PRKCE: variants seen among roughly 807,000 people sequenced by gnomAD.
PRKCE encodes protein kinase C epsilon.
Under a neutral mutation model 85.4 loss-of-function variants are expected in PRKCE, and 16 were observed. The ratio of observed to expected loss-of-function variants is 0.19; its 90% CI spans 0.13 to 0.28. PRKCE has a LOEUF of 0.28. Among genes scored for constraint, PRKCE ranks in the 10% least tolerant of loss-of-function variants. The pLI, the probability that PRKCE is intolerant of heterozygous loss-of-function variation, is 1.00. For missense variants in PRKCE, 573 were observed against 975.2 expected, an observed-to-expected ratio of 0.59 and a Z score of 5.49; for synonymous variants, 388 against 371.5, an observed-to-expected ratio of 1.04 and a Z score of -0.51.
intron 11 of PRKCE, among the ~76,000 whole-genome samples, chr2:46,132,038 A>C (rs1674513588): frequency 6.6e-6 from 1 of 152,192 alleles, no homozygotes. Context: ...AAAAATAAAC[A>C]AATATAAGTA....
chr2:46,013,862 A>G (rs1225943635), intron 10 of PRKCE, among the ~76,000 whole-genome samples: 4 of 152,182 alleles, frequency 2.6e-5, no homozygotes, highest in Admixed American at 1.3e-4. Flanking sequence ...TGCACACTAC[A>G]TACAAGTTGC....
chr2:46,146,196 A>G (rs182891993), intron 12 of PRKCE, among the ~76,000 whole-genome samples: 2 of 152,378 alleles, frequency 1.3e-5, no homozygotes, highest in East Asian at 3.9e-4. Context: ...GTGTGATGTG[A>G]TTCAGATTTA....
At chr2:45,658,162 G>A (rs761971409) in intron 1 of PRKCE, among the ~76,000 whole-genome samples, 36 of 152,228 alleles carry the variant, frequency 2.4e-4, no homozygotes, top group East Asian at 5.8e-4. Context: ...CTTCGTGTGC[G>A]CCTATACCCT....
intron 1 of PRKCE, among the ~76,000 whole-genome samples, chr2:45,816,615 T>C (rs1266017970): frequency 6.6e-6 from 1 of 152,220 alleles, no homozygotes; most frequent in Non-Finnish European, 1.5e-5. Flanking sequence ...TGCCATATTT[T>C]TATGATCATT....
At chr2:45,928,913 C>A (rs904771018) in intron 2 of PRKCE, among the ~76,000 whole-genome samples, 2 of 152,124 alleles carry the variant, frequency 1.3e-5, no homozygotes, top group Non-Finnish European at 2.9e-5. Context: ...AGTCTGGGGG[C>A]CCCTCTGTCA....
intron 1 of PRKCE, among the ~76,000 whole-genome samples, chr2:45,813,950 A>C: frequency 6.6e-6 from 1 of 152,226 alleles, no homozygotes; most frequent in East Asian, 1.9e-4. Flanking sequence ...CAGTAAATTC[A>C]TAAGTGAGTA....
intron 1 of PRKCE, among the ~76,000 whole-genome samples, chr2:45,817,935 CCAGCTTCAGT>C (rs1347922852): frequency 6.6e-6 from 1 of 152,200 alleles, no homozygotes; most frequent in Non-Finnish European, 1.5e-5. Context: ...CGAGTTTCCT[CCAGCTTCAGT>C]AACCATCAGA....
chr2:46,094,194 C>G (rs10202504), intron 11 of PRKCE, among the ~76,000 whole-genome samples: 109,159 of 152,038 alleles, frequency 0.72, 40,751 homozygotes, highest in East Asian at 0.89. Flanking sequence ...AAGCTGTCAC[C>G]CTGGGATCCC....
intron 14 of PRKCE, among the ~76,000 whole-genome samples, chr2:46,181,780 C>G (rs1279618587): frequency 6.6e-6 from 1 of 152,152 alleles, no homozygotes; most frequent in Non-Finnish European, 1.5e-5. Context: ...ACACAGGTTC[C>G]CCTCATTAGC....
At chr2:45,754,126 A>G (rs1683809884) in intron 1 of PRKCE, among the ~76,000 whole-genome samples, 1 of 152,206 alleles carries the variant, frequency 6.6e-6, no homozygotes, top group Non-Finnish European at 1.5e-5. Flanking sequence ...AGTTGCAACA[A>G]GTGACCCAGA....
intron 2 of PRKCE, among the ~76,000 whole-genome samples, chr2:45,859,431 C>T (rs1692967780): frequency 6.6e-6 from 1 of 152,182 alleles, no homozygotes; most frequent in African/African-American, 2.4e-5. Context: ...GTTGATGCCG[C>T]CACCAGACAT....
chr2:45,795,691 T>C (rs1233571201), intron 1 of PRKCE, among the ~76,000 whole-genome samples: 1 of 152,226 alleles, frequency 6.6e-6, no homozygotes, highest in African/African-American at 2.4e-5. Context: ...AGTCAGCTTC[T>C]TCAAACCACA....
At chr2:45,790,407 T>A (rs79908958) in intron 1 of PRKCE, among the ~76,000 whole-genome samples, 1,627 of 152,362 alleles carry the variant, frequency 0.011, 31 homozygotes, top group Admixed American at 0.036. Context: ...CTCACTGATT[T>A]GGAGCCTCAA....
chr2:45,825,378 T>C (rs1419600280), intron 1 of PRKCE, among the ~76,000 whole-genome samples: 1 of 152,230 alleles, frequency 6.6e-6, no homozygotes, highest in Non-Finnish European at 1.5e-5. Flanking sequence ...CTAAGGTGTT[T>C]AGCGGTGAGG....
chr2:46,102,698 G>C (rs967082725), intron 11 of PRKCE, among the ~76,000 whole-genome samples: 1 of 152,128 alleles, frequency 6.6e-6, no homozygotes, highest in Non-Finnish European at 1.5e-5. Context: ...TTGAGGAATA[G>C]TGGTCAGTTA....
intron 1 of PRKCE, among the ~76,000 whole-genome samples, chr2:45,659,265 C>G (rs1675524287): frequency 6.6e-6 from 1 of 152,212 alleles, no homozygotes; most frequent in South Asian, 2.1e-4. Flanking sequence ...CTTCCAATTA[C>G]CCAGCCAAAA....
chr2:45,718,314 A>C (rs1156517298), intron 1 of PRKCE, among the ~76,000 whole-genome samples: 3 of 148,174 alleles, frequency 2.0e-5, no homozygotes, highest in African/African-American at 7.5e-5. Flanking sequence ...CAATTTGGGG[A>C]GAGCTAATAA....
chr2:45,915,077 T>TG, intron 2 of PRKCE, among the ~76,000 whole-genome samples: 1 of 152,284 alleles, frequency 6.6e-6, no homozygotes, highest in East Asian at 1.9e-4. Context: ...TTAGTATAGT[T>TG]GGGGTTTCAC....
intron 2 of PRKCE, among the ~76,000 whole-genome samples, chr2:45,919,004 T>C (rs778675870): frequency 5.9e-5 from 9 of 152,088 alleles, no homozygotes; most frequent in Non-Finnish European, 1.2e-4. Context: ...CCAGCTGGGA[T>C]GGACAGCCAC....
Sources: allele counts gnomAD v4.1 joint callset (sites outside exome capture counted in the v4.1 genomes callset), GRCh38; gene constraint gnomAD v4.1.1; transcripts MANE v1.5; gene names NCBI Gene and HGNC (gene_info 2026-07-23, HGNC 2026-07-21).